Variants in METTL22 observed in about 807,000 individuals in gnomAD.
METTL22 encodes methyltransferase 22, Kin17 lysine.
METTL22 carries 51 observed loss-of-function variants against 48.4 expected under a neutral mutation model. The observed-to-expected ratio is 1.05, with a 90% CI of 0.84 to 1.33. The LOEUF (loss-of-function observed/expected upper bound fraction) is 1.33. METTL22 is among the 40% of genes most tolerant of loss of function. METTL22 has a pLI of 0.00. For synonymous variants in METTL22, 255 were observed against 214.1 expected (o/e 1.19, Z -1.67); for missense variants, 678 against 526.9 (o/e 1.29, Z -2.81).
intron 3 of METTL22, among the ~76,000 whole-genome samples, chr16:8,632,380 G>A (rs2056292917): frequency 6.6e-6 from 1 of 152,138 alleles, no homozygotes; most frequent in Non-Finnish European, 1.5e-5. Context: ...TTTGGCTTTA[G>A]AAAAATATGG....
chr16:8,638,698 G>GCT (rs1222250714), intron 5 of METTL22, among the ~76,000 whole-genome samples: 1 of 152,174 alleles, frequency 6.6e-6, no homozygotes, highest in Non-Finnish European at 1.5e-5. Context: ...CCCAACTCTT[G>GCT]CTCTCAATAG....
chr16:8,643,682 C>T (rs1025564861), intron 9 of METTL22, among the ~76,000 whole-genome samples: 4 of 152,126 alleles, frequency 2.6e-5, no homozygotes, highest in Non-Finnish European at 5.9e-5. Context: ...GGTGCGATCT[C>T]GGCTCAGCAC....
At chr16:8,662,878 C>G in the METTL22 span, among the ~76,000 whole-genome samples, 1 of 144,058 alleles carries the variant, frequency 6.9e-6, no homozygotes, top group Non-Finnish European at 1.5e-5. Context: ...TGTCAAGCAC[C>G]TAACATATAA....
At chr16:8,629,192 G>T (rs943336410) in intron 3 of METTL22, 82 bp downstream of exon 3, 1 of 1,519,488 alleles carries the variant, frequency 6.6e-7, no homozygotes, top group African/African-American at 1.4e-5. Context: ...TGATCTGAGC[G>T]TGGACTCTGC....
At chr16:8,623,644 A>G (rs1286316967) in intron 1 of METTL22, 2 of 152,192 alleles carry the variant, frequency 1.3e-5, no homozygotes, top group Non-Finnish European at 2.9e-5. Context: ...AGATTCACAG[A>G]CTTTCTTTAC....
the METTL22 span, among the ~76,000 whole-genome samples, chr16:8,660,377 C>A: frequency 6.6e-6 from 1 of 151,930 alleles, no homozygotes. Context: ...GGGGGTTTCA[C>A]CATGTTGGCC....
At chr16:8,663,046 A>G in the METTL22 span, among the ~76,000 whole-genome samples, 2 of 150,636 alleles carry the variant, frequency 1.3e-5, no homozygotes, top group Non-Finnish European at 3.0e-5. Flanking sequence ...CGTCTCTACT[A>G]AAAATACAAA....
Position 8,629,073 on chromosome 16 carries a change from G to A in METTL22, c.477G>A (p.Glu159=), listed in dbSNP as rs1386322649. The change falls in exon 3 of 11, where the codon GAG becomes GAA. Residue 159 remains glutamate, a synonymous_variant. Coordinates refer to ENST00000381920, the MANE Select transcript of METTL22 (RefSeq NM_024109.4). ...LAQEEDDVLG[E]EAQGSPHDII... ...AGGAAGAAGACGACGTCCTGGGAGA[G>A]GAAGCACAAGGCAGCCCGCACGATA... 6.8e-6 allele frequency: 11 copies of A among 1,613,760 alleles called. No homozygotes were observed. Among genetic ancestry groups the A allele is most frequent in the East Asian group, 6.7e-5 (3 of 44,882 alleles).
intron 2 of METTL22, 129 bp downstream of exon 2, chr16:8,625,927 C>A: frequency 1.8e-6 from 2 of 1,138,044 alleles, no homozygotes; most frequent in Non-Finnish European, 2.5e-6. Flanking sequence ...TTTTTAAGTG[C>A]CCTTTTTTTC....
chr16:8,645,483 C>T (rs1730995), intron 10 of METTL22, among the ~76,000 whole-genome samples: 150,400 of 152,300 alleles, frequency 0.99, 74,297 homozygotes, highest in Middle Eastern at 1. Flanking sequence ...ATGCCTAAGA[C>T]GTCCCAAAAA....
chr16:8,650,246 C>T (rs149616659), downstream of METTL22, among the ~76,000 whole-genome samples: 15 of 152,292 alleles, frequency 9.8e-5, no homozygotes, highest in African/African-American at 3.4e-4. Flanking sequence ...ATCGCCTAAG[C>T]GAAGGAATTC....
chr16:8,667,147 G>A, the METTL22 span: 2 of 152,120 alleles, frequency 1.3e-5, no homozygotes, highest in African/African-American at 4.8e-5. Flanking sequence ...AGATGAGGAC[G>A]AGAGGGAGAA....
At chr16:8,662,036 G>T in the METTL22 span, among the ~76,000 whole-genome samples, 1 of 145,458 alleles carries the variant, frequency 6.9e-6, no homozygotes, top group African/African-American at 2.6e-5. Flanking sequence ...TTGAGTCCAG[G>T]AGTTCAAGAC....
chr16:8,654,831 G>T, the METTL22 span, among the ~76,000 whole-genome samples: 1 of 152,184 alleles, frequency 6.6e-6, no homozygotes, highest in Non-Finnish European at 1.5e-5. Flanking sequence ...TGGGAAATTT[G>T]TCATGTCCAG....
chr16:8,646,055 G>A lies in METTL22; in HGVS notation c.1180-53G>A, dbSNP rs971823458. The stretch of plus-strand genomic sequence containing the variant: ...GAATCACTTTCCTTAATGAAATTGT[G>A]ATGCTCTTGTATGTGCACTTCAGAA... On this transcript the variant is annotated intron_variant, in intron 10 of 10. Transcript: ENST00000381920. 11 of 1,425,206 alleles carry A rather than the reference G, an allele frequency of 7.7e-6. No individual in the cohort carries two copies. The African/African-American group carries it at 2.7e-4, about 35-fold the overall frequency. The allele number at this position is 1,425,206 out of a possible 1,614,324, so 88.3% of individuals were successfully genotyped here.
At chr16:8,657,916 A>C in the METTL22 span, among the ~76,000 whole-genome samples, 1 of 151,588 alleles carries the variant, frequency 6.6e-6, no homozygotes, top group African/African-American at 2.4e-5. Flanking sequence ...TCCTGGACTC[A>C]AGCTATCCTC....
At chr16:8,631,931 A>G (rs892401156) in intron 3 of METTL22, 4 of 152,260 alleles carry the variant, frequency 2.6e-5, no homozygotes, top group Non-Finnish European at 5.9e-5. Flanking sequence ...CCTCACCCCT[A>G]TGCAGCCACC....
intron 1 of METTL22, among the ~76,000 whole-genome samples, chr16:8,625,169 T>C (rs550344490): frequency 6.6e-6 from 1 of 152,236 alleles, no homozygotes; most frequent in East Asian, 1.9e-4. Flanking sequence ...TTAAATAATT[T>C]AGGGGCAAAA....
chr16:8,657,824 C>CTTTTTTTTTTTTTTTTTT, the METTL22 span, among the ~76,000 whole-genome samples: 49 of 137,462 alleles, frequency 3.6e-4, 1 homozygote, highest in African/African-American at 1.3e-3. Flanking sequence ...TCTTTTCTTT[C>CTTTTTTTTTTTTTTTTTT]TTTTTTTTTT....
Sources: allele counts gnomAD v4.1 joint callset (sites outside exome capture counted in the v4.1 genomes callset), GRCh38; gene constraint gnomAD v4.1.1; transcripts MANE v1.5; gene names NCBI Gene and HGNC (gene_info 2026-07-23, HGNC 2026-07-21).